Variants in TMEM232 observed in about 807,000 individuals in gnomAD.
TMEM232 encodes the protein transmembrane protein 232.
Under a neutral mutation model 78.8 loss-of-function variants are expected in TMEM232, and 80 were observed. That is an observed-to-expected ratio of 1.01 (90% CI 0.85 to 1.22). TMEM232 has a LOEUF of 1.22. TMEM232 is among the 50% of genes most tolerant of loss of function. The probability of loss-of-function intolerance (pLI) is 0.00; values close to 1 mark genes in which losing one functional copy is unlikely to be tolerated. For missense variants in TMEM232, 881 were observed against 742.2 expected (o/e 1.19, Z -2.17); for synonymous variants, 297 against 254.3 (o/e 1.17, Z -1.60).
intron 5 of TMEM232, among the ~76,000 whole-genome samples, chr5:110,629,483 G>A (rs1784847766): frequency 6.6e-6 from 1 of 152,004 alleles, no homozygotes; most frequent in Admixed American, 6.6e-5. Flanking sequence ...GACTTTCTAT[G>A]TATTGTTCTT....
At chr5:110,434,451 T>C (rs548020138) in intron 12 of TMEM232, among the ~76,000 whole-genome samples, 12 of 151,612 alleles carry the variant, frequency 7.9e-5, no homozygotes, top group African/African-American at 2.9e-4. Flanking sequence ...ATTAAAACGT[T>C]GAATAAGTAA....
At chr5:110,625,587 C>G in intron 6 of TMEM232, 154 bp from the exon 7 acceptor site, 1 of 562,084 alleles carries the variant, frequency 1.8e-6, no homozygotes, top group Non-Finnish European at 2.8e-6. Flanking sequence ...ATGTATGCCC[C>G]CTGGTGGTAT....
intron 2 of TMEM232, among the ~76,000 whole-genome samples, chr5:110,411,649 A>G (rs1038404976): frequency 6.6e-6 from 1 of 152,278 alleles, no homozygotes; most frequent in East Asian, 1.9e-4. Flanking sequence ...TTGTTTCTAT[A>G]AATTTGACCA....
At chr5:110,615,740 T>C (rs1289810911) in intron 8 of TMEM232, among the ~76,000 whole-genome samples, 2 of 151,920 alleles carry the variant, frequency 1.3e-5, no homozygotes, top group Admixed American at 6.6e-5. Flanking sequence ...AACCCTAAAA[T>C]GTTTATAAAA....
intron 1 of TMEM232, among the ~76,000 whole-genome samples, chr5:110,703,752 T>C (rs1000413668): frequency 4.6e-5 from 7 of 152,086 alleles, no homozygotes; most frequent in African/African-American, 1.7e-4. Context: ...GTGGGACAGA[T>C]AGTTCTCTCA....
chr5:110,556,950 A>G (rs1775159296), intron 11 of TMEM232, among the ~76,000 whole-genome samples: 1 of 152,170 alleles, frequency 6.6e-6, no homozygotes, highest in South Asian at 2.1e-4. Flanking sequence ...TTCATTGGCA[A>G]TATCTTCAAA....
At chr5:110,696,990 G>C (rs922000542) in intron 1 of TMEM232, among the ~76,000 whole-genome samples, 1 of 152,138 alleles carries the variant, frequency 6.6e-6, no homozygotes, top group Non-Finnish European at 1.5e-5. Flanking sequence ...GCATTGCCAA[G>C]TCAATTCTGA....
intron 12 of TMEM232, among the ~76,000 whole-genome samples, chr5:110,445,229 C>A (rs1759517594): frequency 6.6e-6 from 1 of 151,584 alleles, no homozygotes; most frequent in African/African-American, 2.4e-5. Context: ...TTTTGTTTTT[C>A]AAATATTTGA....
At chr5:110,538,541 G>C (rs1295495243) in intron 11 of TMEM232, among the ~76,000 whole-genome samples, 1 of 152,170 alleles carries the variant, frequency 6.6e-6, no homozygotes, top group Non-Finnish European at 1.5e-5. Flanking sequence ...AGAACAATGA[G>C]CATTGGGCAA....
At position 110,574,963 on chromosome 5, in the gene TMEM232, G is replaced by T. The variant is rs926776172; in HGVS notation, c.1277-6338C>A. Among the ~76,000 whole-genome samples, 4 of 152,030 alleles carry T rather than the reference G, an allele frequency of 2.6e-5. No homozygotes were observed. The South Asian group carries it at 8.3e-4, about 32-fold the overall frequency. Reference sequence around the variant, plus strand: ...GACTTGTAGTTGGTGTTAGAAGGGAGGGTGGTTCTGGAGACTCCCAAACTT... The same window carrying T: ...GACTTGTAGTTGGTGTTAGAAGGGATGGTGGTTCTGGAGACTCCCAAACTT... On this transcript the variant is annotated intron_variant, in intron 10 of 13. Coordinates refer to ENST00000455884, the MANE Select transcript of TMEM232 (RefSeq NM_001039763.4).
intron 10 of TMEM232, among the ~76,000 whole-genome samples, chr5:110,569,562 T>TA (rs1351383877): frequency 2.0e-5 from 3 of 151,894 alleles, no homozygotes; most frequent in Non-Finnish European, 4.4e-5. Flanking sequence ...TAAAGCCCTT[T>TA]AAATTCCATA....
chr5:110,570,796 T>A (rs1387626021), intron 10 of TMEM232, among the ~76,000 whole-genome samples: 2 of 152,010 alleles, frequency 1.3e-5, no homozygotes, highest in African/African-American at 4.8e-5. Flanking sequence ...TACTCACAAC[T>A]CAGCAAAGGA....
intron 12 of TMEM232, among the ~76,000 whole-genome samples, chr5:110,493,363 G>A (rs1765308980): frequency 6.7e-6 from 1 of 149,498 alleles, no homozygotes; most frequent in Non-Finnish European, 1.5e-5. Flanking sequence ...AGATTACACG[G>A]GTCAATAGCC....
chr5:110,652,514 A>T (rs1369185778), intron 2 of TMEM232, among the ~76,000 whole-genome samples: 1 of 152,202 alleles, frequency 6.6e-6, no homozygotes, highest in Non-Finnish European at 1.5e-5. Context: ...AGTTTTGTCC[A>T]ACATTTTTCA....
At chr5:110,407,175 C>A (rs1300851423) in intron 2 of TMEM232, among the ~76,000 whole-genome samples, 1 of 151,900 alleles carries the variant, frequency 6.6e-6, no homozygotes, top group Non-Finnish European at 1.5e-5. Flanking sequence ...TAAGTATATA[C>A]CTTATATAAC....
intron 13 of TMEM232, among the ~76,000 whole-genome samples, chr5:110,422,233 T>G (rs1267660050): frequency 6.6e-6 from 1 of 152,168 alleles, no homozygotes; most frequent in East Asian, 1.9e-4. Flanking sequence ...GATCTCATTA[T>G]TTTGTTTTTT....
At chr5:110,615,779 T>C (rs1347840511) in intron 8 of TMEM232, among the ~76,000 whole-genome samples, 1 of 151,978 alleles carries the variant, frequency 6.6e-6, no homozygotes, top group African/African-American at 2.4e-5. Context: ...AGACTTTAAA[T>C]GAATTCAGTA....
At chr5:110,673,655 G>A (rs1175760391) in intron 1 of TMEM232, among the ~76,000 whole-genome samples, 1 of 152,078 alleles carries the variant, frequency 6.6e-6, no homozygotes, top group African/African-American at 2.4e-5. Context: ...TAGAAGTTGG[G>A]CTGCTTTTTG....
chr5:110,433,221 C>T (rs889599850), intron 12 of TMEM232, among the ~76,000 whole-genome samples: 1 of 151,786 alleles, frequency 6.6e-6, no homozygotes, highest in African/African-American at 2.4e-5. Context: ...AGACTGACCA[C>T]ATGCTCAATC....
Sources: allele counts gnomAD v4.1 joint callset (sites outside exome capture counted in the v4.1 genomes callset), GRCh38; gene constraint gnomAD v4.1.1; transcripts MANE v1.5; gene names NCBI Gene and HGNC (gene_info 2026-07-23, HGNC 2026-07-21).